ESF1: variants seen among roughly 807,000 people sequenced by gnomAD.
ESF1 encodes ESF1 nucleolar pre-rRNA processing protein.
Under a neutral mutation model 92.0 loss-of-function variants are expected in ESF1, and 58 were observed. The ratio of observed to expected loss-of-function variants is 0.63; its 90% CI spans 0.51 to 0.78. The LOEUF (loss-of-function observed/expected upper bound fraction) is 0.78. Ranked by LOEUF, ESF1 falls within the 30% of genes least tolerant of loss-of-function variation. The pLI, the probability that ESF1 is intolerant of heterozygous loss-of-function variation, is 0.00. For missense variants in ESF1, 922 were observed against 989.1 expected, an observed-to-expected ratio of 0.93 and a Z score of 0.91; for synonymous variants, 321 against 313.7, an observed-to-expected ratio of 1.02 and a Z score of -0.24.
intron 11 of ESF1, among the ~76,000 whole-genome samples, 176 bp downstream of exon 11, chr20:13,728,202 T>G (rs997951168): frequency 2.6e-5 from 4 of 152,214 alleles, no homozygotes; most frequent in Non-Finnish European, 4.4e-5. Context: ...AAGGGACAAG[T>G]TGACCCTTCC....
chr20:13,775,379 A>T, intron 3 of ESF1, 109 bp from the exon 4 acceptor site: 1 of 684,574 alleles, frequency 1.5e-6, no homozygotes, highest in Middle Eastern at 4.3e-4. Flanking sequence ...TCTGAAATTA[A>T]TAGTACAGGA....
intron 8 of ESF1, chr20:13,762,854 GTTTTTTTT>G: frequency 1.1e-5 from 2 of 186,366 alleles, no homozygotes; most frequent in Admixed American, 1.1e-4. Context: ...ATTTATTAAA[GTTTTTTTT>G]TTTTTTTTTT....
intron 9 of ESF1, among the ~76,000 whole-genome samples, chr20:13,743,037 C>T (rs898667745): frequency 1.3e-5 from 2 of 152,148 alleles, no homozygotes; most frequent in Non-Finnish European, 2.9e-5. Flanking sequence ...TGTATCAGCA[C>T]TTCATTCCTT....
At chr20:13,729,076 G>C (rs1442979698) in intron 10 of ESF1, among the ~76,000 whole-genome samples, 1 of 151,832 alleles carries the variant, frequency 6.6e-6, no homozygotes, top group East Asian at 1.9e-4. Context: ...CTGGCCAACA[G>C]GGTGAAACCC....
intron 6 of ESF1, 87 bp downstream of exon 6, chr20:13,771,244 A>G: frequency 7.9e-7 from 1 of 1,257,988 alleles, no homozygotes; most frequent in Non-Finnish European, 1.1e-6. Flanking sequence ...AGAATATAAA[A>G]CAGAGATCAC....
chr20:13,761,600 T>C (rs1196583028), intron 8 of ESF1, among the ~76,000 whole-genome samples: 1 of 152,092 alleles, frequency 6.6e-6, no homozygotes, highest in Non-Finnish European at 1.5e-5. Flanking sequence ...CTAAGAATAC[T>C]GGAACCTTTC....
At chr20:13,727,967 C>T (rs1311777757) in intron 11 of ESF1, among the ~76,000 whole-genome samples, 2 of 152,150 alleles carry the variant, frequency 1.3e-5, no homozygotes, top group African/African-American at 2.4e-5. Flanking sequence ...TTGTTTCATA[C>T]TTTTAATTCT....
rs1979186341 is a variant in ESF1, at chr20:13,761,345, C to A, written c.1667-1492G>T. ...TATTGTCCTATGACCCTGCCAAATCCCCCTCTGCGAGAAACACCCAAGAAT... is the reference window on the plus strand; with the variant it reads ...TATTGTCCTATGACCCTGCCAAATCACCCTCTGCGAGAAACACCCAAGAAT... On this transcript the variant is annotated intron_variant, in intron 8 of 13. Coordinates refer to ENST00000617257, the MANE Select transcript of ESF1 (RefSeq NM_001276380.2). Among the ~76,000 whole-genome samples the A allele has an allele frequency of 2.0e-5, 3 of 150,920 alleles. No homozygotes were observed. In the South Asian group the frequency reaches 6.3e-4, roughly 32 times the overall value.
chr20:13,764,504 G>A (rs1979342041), intron 8 of ESF1, among the ~76,000 whole-genome samples: 1 of 152,192 alleles, frequency 6.6e-6, no homozygotes. Context: ...CCTAGGCACA[G>A]TCGAAAATCC....
At chr20:13,739,031 T>C (rs1049511382) in intron 9 of ESF1, among the ~76,000 whole-genome samples, 4 of 152,174 alleles carry the variant, frequency 2.6e-5, no homozygotes, top group African/African-American at 7.2e-5. Context: ...AATAGTGTTA[T>C]ACAGAAACAC....
At chr20:13,739,535 A>G (rs373363543) in intron 9 of ESF1, among the ~76,000 whole-genome samples, 5 of 152,204 alleles carry the variant, frequency 3.3e-5, no homozygotes, top group East Asian at 3.9e-4. Context: ...GTACTGATAA[A>G]CTAAAATTCT....
At chr20:13,752,661 A>C (rs1432930126) in intron 9 of ESF1, among the ~76,000 whole-genome samples, 1 of 152,248 alleles carries the variant, frequency 6.6e-6, no homozygotes, top group African/African-American at 2.4e-5. Flanking sequence ...TTTACTTCTA[A>C]ATAAAAAGAA....
rs1471513636 is a variant in ESF1, at chr20:13,782,787, C to T, written c.354G>A (p.Lys118=). ...KNLVEKKKET[K]KANHKGSENK... Reference sequence around the variant, plus strand: ...TTTCAGAACCCTTGTGATTAGCCTTCTTGGTTTCTTTCTTTTTCTCAACTA... The same window carrying T: ...TTTCAGAACCCTTGTGATTAGCCTTTTTGGTTTCTTTCTTTTTCTCAACTA... The change falls in exon 2 of 14, where the codon AAG becomes AAA. Residue 118 remains lysine (K), a synonymous_variant. Transcript: ENST00000617257. 4 of 1,604,552 alleles carry T rather than the reference C, an allele frequency of 2.5e-6. No homozygotes were observed. Among genetic ancestry groups the T allele is most frequent in the Non-Finnish European group, 3.4e-6 (4 of 1,177,930 alleles).
chr20:13,765,152 G>A (rs1030762791), intron 8 of ESF1, among the ~76,000 whole-genome samples: 2 of 152,144 alleles, frequency 1.3e-5, no homozygotes, highest in Non-Finnish European at 2.9e-5. Flanking sequence ...GAACCCAGGA[G>A]GAAGAGGTTA....
At chr20:13,779,942 T>G (rs1168693289) in intron 2 of ESF1, among the ~76,000 whole-genome samples, 1 of 152,238 alleles carries the variant, frequency 6.6e-6, no homozygotes, top group East Asian at 1.9e-4. Flanking sequence ...GCATGAACAT[T>G]TCATGATGAC....
intron 6 of ESF1, 49 bp from the exon 7 acceptor site, chr20:13,770,070 C>T: frequency 1.9e-6 from 2 of 1,072,252 alleles, no homozygotes; most frequent in East Asian, 2.4e-5. Context: ...GCAGTGATAA[C>T]CACAGTTTAG....
intron 9 of ESF1, among the ~76,000 whole-genome samples, chr20:13,736,991 C>G (rs1384194742): frequency 6.6e-6 from 1 of 152,120 alleles, no homozygotes; most frequent in Non-Finnish European, 1.5e-5. Flanking sequence ...AAATCTCTTG[C>G]CACAGATCAC....
At position 13,782,895 on chromosome 20, in the gene ESF1, A is replaced by G. The variant is rs1380430484; in HGVS notation, c.246T>C (p.Ser82=). The G allele has an allele frequency of 6.2e-7, 1 of 1,613,970 alleles. No individual in the cohort carries two copies. The highest frequency in any genetic ancestry group is 2.2e-5 in the East Asian group (1 of 44,886). ...YDLSDSDSNL[S]GEDSKALSQK... is the part of the protein sequence containing the mutation. ...GACTCAATGCTTTGCTATCTTCACC[A>G]GAGAGATTGGAATCAGAATCTGAAA... Residue 82 remains serine, a synonymous_variant, in exon 2 of 14, where the codon TCT becomes TCC. Transcript: ENST00000617257.
Position 13,717,393 on chromosome 20 carries a change from T to C in ESF1, c.2237A>G (p.Lys746Arg). 1 of 1,614,192 alleles carries C rather than the reference T, an allele frequency of 6.2e-7. No individual in the cohort carries two copies. Among genetic ancestry groups the C allele is most frequent in the Non-Finnish European group, 8.5e-7 (1 of 1,180,020 alleles). The change falls in exon 13 of 14, where the codon AAG becomes AGG. Residue 746 changes from lysine (K) to arginine (R), a missense_variant. Lys to Arg is a conservative substitution (Grantham distance 26). Transcript: ENST00000617257. ...CTCAAAGTCATCCTCTATTAATTCCTTCTTTTTCATGAGCTGCTTTTTCTT... is the reference window on the plus strand; with the variant it reads ...CTCAAAGTCATCCTCTATTAATTCCCTCTTTTTCATGAGCTGCTTTTTCTT... ...KKKKKQLMKK[K>R]ELIEDDFEVN...
Sources: allele counts gnomAD v4.1 joint callset (sites outside exome capture counted in the v4.1 genomes callset), GRCh38; gene constraint gnomAD v4.1.1; transcripts MANE v1.5; gene names NCBI Gene and HGNC (gene_info 2026-07-23, HGNC 2026-07-21).